The following PLA2G6 variants were observed in gnomAD, a reference collection of about 807,000 sequenced individuals.
PLA2G6 encodes phospholipase A2 group VI, also known as 85/88 kDa calcium-independent phospholipase A2.
PLA2G6 carries 62 observed loss-of-function variants against 83.8 expected under a neutral mutation model. The ratio of observed to expected loss-of-function variants is 0.74; its 90% CI spans 0.60 to 0.91. The LOEUF (loss-of-function observed/expected upper bound fraction) is 0.91, where lower values mean the gene tolerates loss of function less well. PLA2G6 is among the 40% of genes least tolerant of loss of function. The pLI, the probability that PLA2G6 is intolerant of heterozygous loss-of-function variation, is 0.00. For synonymous variants in PLA2G6, 417 were observed against 449.8 expected (o/e 0.93, Z 0.92); for missense variants, 944 against 1,102.0 (o/e 0.86, Z 2.03).
intron 2 of PLA2G6, among the ~76,000 whole-genome samples, chr22:38,159,138 A>AT (rs1285744066): frequency 6.6e-6 from 1 of 152,178 alleles, no homozygotes; most frequent in Admixed American, 6.6e-5. Flanking sequence ...CTTTGGAAAG[A>AT]TTTTTTAAAT....
intron 1 of PLA2G6, among the ~76,000 whole-genome samples, chr22:38,172,000 C>A (rs1219304451): frequency 6.6e-6 from 1 of 152,016 alleles, no homozygotes; most frequent in Non-Finnish European, 1.5e-5. Context: ...ATGCCAGGTT[C>A]TCTCTCCTTG....
chr22:38,164,584 C>T (rs1447170443), intron 2 of PLA2G6, among the ~76,000 whole-genome samples: 1 of 152,204 alleles, frequency 6.6e-6, no homozygotes, highest in African/African-American at 2.4e-5. Flanking sequence ...TGCTGTGGGA[C>T]TCTCCGGCCT....
chr22:38,177,607 C>T (rs1019865475), intron 1 of PLA2G6, among the ~76,000 whole-genome samples: 8 of 151,914 alleles, frequency 5.3e-5, no homozygotes, highest in East Asian at 1.9e-4. Context: ...GGATTACAGG[C>T]GCGCACCACC....
intron 1 of PLA2G6, among the ~76,000 whole-genome samples, chr22:38,176,104 C>G (rs1205720072): frequency 6.6e-6 from 1 of 152,180 alleles, no homozygotes; most frequent in Non-Finnish European, 1.5e-5. Context: ...GCTCCTCCAC[C>G]GGGAGAACCT....
chr22:38,134,984 T>C lies in PLA2G6; in HGVS notation c.894+4A>G. 1 of 604,718 alleles carries C rather than the reference T, an allele frequency of 1.7e-6. No homozygotes were observed. Among genetic ancestry groups the C allele is most frequent in the Non-Finnish European group, 3.0e-6 (1 of 331,480 alleles). The allele number at this position is 604,718 out of a possible 1,614,324, so 37.5% of individuals were successfully genotyped here. A position where few individuals can be genotyped will look rare whatever the true frequency, so the allele number is the denominator to read the frequency against. ...CCCACCCACCCACCTCAGGATCCAC[T>C]CACCTCTGCGTTCTTGGCCCAGTGG... On this transcript the variant is annotated splice_donor_region_variant and intron_variant, in intron 6 of 16. Transcript: ENST00000332509.
intron 2 of PLA2G6, among the ~76,000 whole-genome samples, chr22:38,159,968 A>C (rs1028186109): frequency 6.6e-6 from 1 of 152,200 alleles, no homozygotes; most frequent in African/African-American, 2.4e-5. Flanking sequence ...GCAGCTGAAC[A>C]CGTATCACTG....
In PLA2G6 at chr22:38,115,644, T is replaced by C; in HGVS notation, c.1917A>G (p.Ala639=). 1 of 1,588,928 alleles carries C rather than the reference T, an allele frequency of 6.3e-7. No individual in the cohort carries two copies. The highest frequency in any genetic ancestry group is 1.3e-5 in the African/African-American group (1 of 74,522). The part of the protein sequence containing the change: ...LVWRAARSSG[A]APTYFRPNGR... ...CATTGGGTCGGAAGTAAGTAGGAGC[T>C]GCCCCGCTGCTTCGGGCCGCCCGCC... The change falls in exon 14 of 17, where the codon GCA becomes GCG. Residue 639 remains alanine (A), a synonymous_variant. Transcript: ENST00000332509.
At chr22:38,165,176 G>A (rs1283565101) in intron 2 of PLA2G6, among the ~76,000 whole-genome samples, 1 of 152,182 alleles carries the variant, frequency 6.6e-6, no homozygotes, top group African/African-American at 2.4e-5. Flanking sequence ...AGAGGGCCTG[G>A]CACACAGCAG....
intron 1 of PLA2G6, among the ~76,000 whole-genome samples, chr22:38,170,942 G>A (rs132993): frequency 0.12 from 17,573 of 152,048 alleles, 1,231 homozygotes; most frequent in African/African-American, 0.18. Flanking sequence ...AGGCCGACTC[G>A]GGCGGATCAC....
intron 2 of PLA2G6, chr22:38,148,203 T>C: frequency 2.8e-6 from 1 of 353,890 alleles, no homozygotes; most frequent in Non-Finnish European, 5.3e-6. Flanking sequence ...TTAAAGTGGG[T>C]TTAAGGACAC....
At chr22:38,152,239 A>G (rs1399384831) in intron 2 of PLA2G6, among the ~76,000 whole-genome samples, 2 of 151,634 alleles carry the variant, frequency 1.3e-5, no homozygotes, top group East Asian at 3.9e-4. Context: ...TCTTTGAGAC[A>G]GAGTTTCGCT....
At position 38,145,784 on chromosome 22, in the gene PLA2G6, AACACACACACACACAC is replaced by A. The variant is rs132936; in HGVS notation, c.210-147_210-132del. On this transcript the variant is annotated intron_variant, in intron 2 of 16. Coordinates refer to ENST00000332509, the MANE Select transcript of PLA2G6 (RefSeq NM_003560.4). ...TCCAGCCCGACTCCCCTCCCAAGCA[AACACACACACACACAC>A]ACACACACACACACACACACACACA... 3.2e-3 allele frequency: 1,526 copies of A among 484,266 alleles called. 3 individuals are homozygous for A. Among genetic ancestry groups the A allele is most frequent in the Non-Finnish European group, 3.8e-3 (1,017 of 266,770 alleles). The allele number at this position is 484,266 out of a possible 1,614,324, so 30.0% of individuals were successfully genotyped here. A position where few individuals can be genotyped will look rare whatever the true frequency, so the allele number is the denominator to read the frequency against.
Position 38,112,015 on chromosome 22 carries a change from G to C in PLA2G6, c.*146C>G. On this transcript the variant is annotated 3_prime_UTR_variant, in exon 17 of 17. Transcript: ENST00000332509. ...GACAGGCCTTCAGGACCAGCCTCGG[G>C]CAGGCAGCTTGGCATTCTCCCAGGC... 1.1e-6 allele frequency: 1 copy of C among 909,462 alleles called. No homozygotes were observed. The highest frequency in any genetic ancestry group is 1.7e-6 in the Non-Finnish European group (1 of 577,206). 56.3% of individuals were successfully genotyped at this position (909,462 alleles called of 1,614,324 possible).
At chr22:38,179,066 T>C (rs772219203) in intron 1 of PLA2G6, among the ~76,000 whole-genome samples, 12 of 152,132 alleles carry the variant, frequency 7.9e-5, no homozygotes, top group Non-Finnish European at 1.6e-4. Context: ...AAATTTTAGA[T>C]TGGGTGAGGA....
chr22:38,168,687 T>C (rs188269821), intron 2 of PLA2G6, among the ~76,000 whole-genome samples: 91 of 152,202 alleles, frequency 6.0e-4, no homozygotes, highest in Middle Eastern at 3.4e-3. Context: ...CCGTCTCTGC[T>C]AAAAATACAA....
At chr22:38,130,067 T>C in intron 7 of PLA2G6, 1 of 253,720 alleles carries the variant, frequency 3.9e-6, no homozygotes, top group African/African-American at 2.2e-5. Context: ...CGTCACACAT[T>C]TCCACACCTG....
In PLA2G6 at chr22:38,128,531, C is replaced by T. The variant is rs1418791357; in HGVS notation, c.1187-101G>A. 7.6e-7 allele frequency: 1 copy of T among 1,324,172 alleles called. No individual in the cohort carries two copies. The highest frequency in any genetic ancestry group is 1.1e-6 in the Non-Finnish European group (1 of 947,018). The allele number at this position is 1,324,172 out of a possible 1,614,324, so 82.0% of individuals were successfully genotyped here. ...TTCCACACTCCGTCCCCTGTCCCAGCTCCCAGGCCCTGGGCACGTGGGCTG... is the reference window on the plus strand; with the variant it reads ...TTCCACACTCCGTCCCCTGTCCCAGTTCCCAGGCCCTGGGCACGTGGGCTG... On this transcript the variant is annotated intron_variant, in intron 8 of 16. Transcript: ENST00000332509. The surrounding 1 kb of genome is among the most constrained non-coding windows in gnomAD (Gnocchi z 4.4).
intron 1 of PLA2G6, among the ~76,000 whole-genome samples, chr22:38,175,816 T>C (rs2090610675): frequency 6.6e-6 from 1 of 152,146 alleles, no homozygotes; most frequent in South Asian, 2.1e-4. Context: ...CCAACCCGCT[T>C]TGATTTGTTT....
chr22:38,112,744 G>C, intron 15 of PLA2G6, 167 bp from the exon 16 acceptor site: 1 of 665,678 alleles, frequency 1.5e-6, no homozygotes, highest in South Asian at 1.6e-5. Context: ...CCCCTTCCTG[G>C]GACTGCAGGG....
Sources: allele counts gnomAD v4.1 joint callset (sites outside exome capture counted in the v4.1 genomes callset), GRCh38; gene constraint gnomAD v4.1.1; non-coding constraint Gnocchi (gnomAD v3.1); transcripts MANE v1.5; gene names NCBI Gene and HGNC (gene_info 2026-07-23, HGNC 2026-07-21).